Variants in GCNT2 observed in about 807,000 individuals in gnomAD.
GCNT2 encodes N-acetyllactosaminide beta-1,6-N-acetylglucosaminyl-transferase.
In GCNT2, 34 loss-of-function variants were observed where a neutral mutation model predicts 34.2. The ratio of observed to expected loss-of-function variants is 1.00; its 90% CI spans 0.76 to 1.32. GCNT2 has a LOEUF of 1.32. GCNT2 is among the 40% of genes most tolerant of loss of function. GCNT2 has a pLI of 0.00. For missense variants in GCNT2, 584 were observed against 489.4 expected (o/e 1.19, Z -1.82); for synonymous variants, 212 against 188.0 (o/e 1.13, Z -1.04).
chr6:10,538,390 A>G, intron 3 of GCNT2, among the ~76,000 whole-genome samples: 1 of 138,614 alleles, frequency 7.2e-6, no homozygotes, highest in South Asian at 2.4e-4. Flanking sequence ...CCTGGGCGAC[A>G]AGAGTGAGAC....
intron 3 of GCNT2, among the ~76,000 whole-genome samples, chr6:10,584,508 G>A (rs751633564): frequency 3.9e-5 from 6 of 152,088 alleles, no homozygotes; most frequent in Non-Finnish European, 7.4e-5. Flanking sequence ...GACCCTTTAC[G>A]GATGTCGGGC....
intron 3 of GCNT2, among the ~76,000 whole-genome samples, chr6:10,544,458 A>C (rs748121811): frequency 6.7e-6 from 1 of 149,338 alleles, no homozygotes; most frequent in African/African-American, 2.5e-5. Flanking sequence ...CAAAAAAATT[A>C]GCAGGGCGTG....
At chr6:10,537,698 C>CAAAAAAAAAAAAAAAA (rs201257236) in intron 3 of GCNT2, among the ~76,000 whole-genome samples, 11 of 83,198 alleles carry the variant, frequency 1.3e-4, no homozygotes, top group East Asian at 2.9e-4. Flanking sequence ...GATTCTGCCG[C>CAAAAAAAAAAAAAAAA]AAAAAAAAAA....
intron 3 of GCNT2, among the ~76,000 whole-genome samples, chr6:10,585,078 T>TGTGTGCGC (rs1491251655): frequency 3.4e-5 from 3 of 87,310 alleles, no homozygotes; most frequent in East Asian, 4.5e-4. Context: ...TGTGTGTGTG[T>TGTGTGCGC]GCGCGCTATA....
chr6:10,586,467 G>T, intron 3 of GCNT2: 1 of 1,614,162 alleles, frequency 6.2e-7, no homozygotes, highest in Non-Finnish European at 8.5e-7. Context: ...AGAGTCTGTG[G>T]TTTATGCAGG....
At chr6:10,613,388 T>G (rs1190072763) in intron 3 of GCNT2, among the ~76,000 whole-genome samples, 3 of 152,066 alleles carry the variant, frequency 2.0e-5, no homozygotes, top group Non-Finnish European at 4.4e-5. Context: ...CTTTTTTTTT[T>G]GCCCTGTCCT....
rs768962540 is a variant in GCNT2, at chr6:10,621,430, C to T, written c.1005C>T (p.His335=). Residue 335 remains histidine, a synonymous_variant, in exon 4 of 5, where the codon CAC becomes CAT. Transcript: ENST00000495262. ...AGTGGAGTGACATGGAAGACAGACA[C>T]GGAGGCTGCCACGGTGAGGCTCTCG... is the stretch of plus-strand genomic sequence containing the variant. The part of the protein sequence containing the change: ...AIKWSDMEDR[H]GGCHGHYVHG... The T allele has an allele frequency of 5.0e-5, 81 of 1,609,082 alleles. No homozygotes were observed. Among genetic ancestry groups the T allele is most frequent in the Non-Finnish European group, 5.9e-5 (69 of 1,175,638 alleles).
At chr6:10,609,163 G>A (rs1241253805) in intron 3 of GCNT2, among the ~76,000 whole-genome samples, 6 of 152,174 alleles carry the variant, frequency 3.9e-5, no homozygotes, top group Non-Finnish European at 7.3e-5. Flanking sequence ...ATTTTCTGCT[G>A]TGTAACAGAA....
intron 3 of GCNT2, among the ~76,000 whole-genome samples, chr6:10,590,089 C>T (rs1219555220): frequency 6.6e-6 from 1 of 152,146 alleles, no homozygotes; most frequent in African/African-American, 2.4e-5. Flanking sequence ...AATGGCTTCT[C>T]CTGATCTTAA....
Position 10,617,747 on chromosome 6 carries a change from C to CTTTTTT in GCNT2, c.926-3602_926-3601insTTTTTT, listed in dbSNP as rs1407402607. Reference sequence around the variant, plus strand: ...CTGCACCTGGCCAGAGTCTGCATTTCTTCTTTTTTTTTTTTTTTTTTTTTT... The same window carrying CTTTTTT: ...CTGCACCTGGCCAGAGTCTGCATTTCTTTTTTTTCTTTTTTTTTTTTTTTTTTTTTT... On this transcript the variant is annotated intron_variant, in intron 3 of 4. Coordinates refer to ENST00000495262, the MANE Select transcript of GCNT2 (RefSeq NM_145649.5). Among the ~76,000 whole-genome samples, 266 of 114,206 alleles carry CTTTTTT rather than the reference C, an allele frequency of 2.3e-3. 4 individuals are homozygous for CTTTTTT. Among genetic ancestry groups the CTTTTTT allele is most frequent in the African/African-American group, 0.01 (246 of 23,508 alleles). 74.9% of individuals were successfully genotyped at this position (114,206 alleles called of 152,430 possible).
rs907115993 is a variant in GCNT2 at position 10,628,304 on chromosome 6, A to C, written c.*1697A>C. The C allele has an allele frequency of 4.6e-5, 7 of 152,648 alleles. No individual in the cohort carries two copies. The highest frequency in any genetic ancestry group is 1.7e-4 in the African/African-American group (7 of 41,464). 9.5% of individuals were successfully genotyped at this position (152,648 alleles called of 1,614,324 possible). A position where few individuals can be genotyped will look rare whatever the true frequency, so the allele number is the denominator to read the frequency against. On this transcript the variant is annotated 3_prime_UTR_variant, in exon 5 of 5. Transcript: ENST00000495262. The stretch of plus-strand genomic sequence containing the variant: ...TATTCTAACAAAAAGCAATTACTAC[A>C]AATGGATGACACATTTAATGAACAC...
chr6:10,607,825 A>C (rs1023623613), intron 3 of GCNT2, among the ~76,000 whole-genome samples: 2 of 152,192 alleles, frequency 1.3e-5, no homozygotes, highest in Non-Finnish European at 2.9e-5. Context: ...GTACTTCACA[A>C]TAAGTTCACA....
At chr6:10,581,846 G>A in intron 3 of GCNT2, 1 of 984,978 alleles carries the variant, frequency 1.0e-6, no homozygotes, top group Non-Finnish European at 1.2e-6. Flanking sequence ...TTACAGAAAA[G>A]GGTGTGGTTC....
chr6:10,582,000 ATATT>A (rs1247696604), intron 3 of GCNT2: 25 of 245,178 alleles, frequency 1.0e-4, no homozygotes, highest in East Asian at 3.6e-4. Context: ...ATATATAAAT[ATATT>A]TATGTGTATA....
At chr6:10,553,669 G>A (rs935196332) in intron 3 of GCNT2, among the ~76,000 whole-genome samples, 3 of 152,206 alleles carry the variant, frequency 2.0e-5, no homozygotes, top group Admixed American at 1.3e-4. Context: ...CAAGGTGGGC[G>A]GATCGCTTGA....
intron 3 of GCNT2, among the ~76,000 whole-genome samples, chr6:10,594,578 T>G (rs1764770110): frequency 6.6e-6 from 1 of 152,234 alleles, no homozygotes; most frequent in African/African-American, 2.4e-5. Context: ...TAAGGCTGTT[T>G]TGAGAATTAA....
rs80259336 is a variant in GCNT2, at chr6:10,614,240, T to C, written c.926-7111T>C. ...ATATTTTCTCACTTCCCTAAGCAAG[T>C]TGAACCAAGCAGGACAGATATGGAG... On this transcript the variant is annotated intron_variant, in intron 3 of 4. Coordinates refer to ENST00000495262, the MANE Select transcript of GCNT2 (RefSeq NM_145649.5). 5.6e-3 allele frequency among the ~76,000 whole-genome samples: 854 copies of C among 152,174 alleles called. 7 individuals are homozygous for C. Among genetic ancestry groups the C allele is most frequent in the African/African-American group, 0.019 (792 of 41,508 alleles).
At chr6:10,576,436 C>G (rs548829536) in intron 3 of GCNT2, among the ~76,000 whole-genome samples, 6 of 152,290 alleles carry the variant, frequency 3.9e-5, no homozygotes, top group African/African-American at 1.2e-4. Context: ...ACATATTTGC[C>G]TCACGTTATC....
chr6:10,616,184 G>A (rs1005412397), intron 3 of GCNT2, among the ~76,000 whole-genome samples: 12 of 152,242 alleles, frequency 7.9e-5, no homozygotes, highest in Admixed American at 2.0e-4. Context: ...TGCAGTGAGC[G>A]TTATATCTTT....
Sources: allele counts gnomAD v4.1 joint callset (sites outside exome capture counted in the v4.1 genomes callset), GRCh38; gene constraint gnomAD v4.1.1; transcripts MANE v1.5; gene names NCBI Gene and HGNC (gene_info 2026-07-23, HGNC 2026-07-21).